Variants in DIP2C observed in about 807,000 individuals in gnomAD.
DIP2C encodes the protein disco-interacting protein 2 homolog C.
DIP2C carries 33 observed loss-of-function variants against 192.4 expected under a neutral mutation model. The ratio of observed to expected loss-of-function variants is 0.17; its 90% CI spans 0.13 to 0.23. DIP2C has a LOEUF of 0.23. Among genes scored for constraint, DIP2C ranks in the 10% least tolerant of loss-of-function variants. The pLI is 1.00. For synonymous variants in DIP2C, 979 were observed against 864.1 expected (o/e 1.13, Z -2.33); for missense variants, 1,537 against 2,110.1 (o/e 0.73, Z 5.32).
intron 1 of DIP2C, among the ~76,000 whole-genome samples, chr10:639,404 G>A (rs1305751945): frequency 9.7e-5 from 14 of 144,490 alleles, no homozygotes; most frequent in Non-Finnish European, 1.7e-4. Flanking sequence ...TCGGGAGAGT[G>A]CTGTCCGGCT....
chr10:590,735 TAAA>T (rs902079199), intron 1 of DIP2C, among the ~76,000 whole-genome samples: 1 of 152,160 alleles, frequency 6.6e-6, no homozygotes, highest in African/African-American at 2.4e-5. Flanking sequence ...GAAAGCAGAT[TAAA>T]AATAGAAGGA....
intron 1 of DIP2C, among the ~76,000 whole-genome samples, chr10:590,082 C>A (rs117201420): frequency 0.01 from 1,532 of 152,142 alleles, 12 homozygotes; most frequent in Non-Finnish European, 0.013. Flanking sequence ...AATGGACACT[C>A]TTCCTCTAAA....
chr10:467,433 A>G (rs1186447867), intron 3 of DIP2C, among the ~76,000 whole-genome samples: 3 of 151,130 alleles, frequency 2.0e-5, no homozygotes, highest in East Asian at 2.0e-4. Flanking sequence ...CTAATGCTAG[A>G]TGACGAGTTA....
intron 4 of DIP2C, chr10:437,991 G>A (rs1303361331): frequency 6.6e-6 from 1 of 152,206 alleles, no homozygotes; most frequent in Admixed American, 6.5e-5. Flanking sequence ...GCACAAAATA[G>A]CTGGGAGTAA....
intron 31 of DIP2C, among the ~76,000 whole-genome samples, chr10:313,977 T>C (rs1956667824): frequency 6.6e-6 from 1 of 152,162 alleles, no homozygotes; most frequent in Non-Finnish European, 1.5e-5. Context: ...TAAATAGAAA[T>C]GTGTGAAAGA....
chr10:367,372 GCGCCACTGCACTC>G (rs1960395431), intron 18 of DIP2C, among the ~76,000 whole-genome samples: 1 of 151,018 alleles, frequency 6.6e-6, no homozygotes, highest in Non-Finnish European at 1.5e-5. Flanking sequence ...AACCGAGATC[GCGCCACTGCACTC>G]CAGCCTGGGC....
rs1487799347 is a variant in DIP2C, at chr10:651,254, C to T, written c.85+38240G>A. 6 of 715,532 alleles carry T rather than the reference C, an allele frequency of 8.4e-6. No individual in the cohort carries two copies. The highest frequency in any genetic ancestry group is 1.5e-5 in the South Asian group (1 of 67,588). 44.3% of individuals were successfully genotyped at this position (715,532 alleles called of 1,614,324 possible). On this transcript the variant is annotated intron_variant, in intron 1 of 36. Coordinates refer to ENST00000280886, the MANE Select transcript of DIP2C (RefSeq NM_014974.3). This position sits in a 1 kb window ranked among gnomAD's most constrained non-coding sequence, Gnocchi z 4.1. ...AATGATGGCGTCACAGCGTGGGTTC[C>T]GGTCACCAGTCGGCCTCCCCCACCA...
At chr10:451,572 T>C (rs1271636498) in intron 3 of DIP2C, among the ~76,000 whole-genome samples, 1 of 152,250 alleles carries the variant, frequency 6.6e-6, no homozygotes, top group Non-Finnish European at 1.5e-5. Context: ...GTAATTAAAG[T>C]GCTTGTGTTA....
At chr10:413,186 C>T (rs1334343399) in intron 8 of DIP2C, among the ~76,000 whole-genome samples, 1 of 152,188 alleles carries the variant, frequency 6.6e-6, no homozygotes, top group Admixed American at 6.5e-5. Flanking sequence ...AATAGCCTGA[C>T]AATCTGCCCC....
At chr10:677,201 G>T (rs1830907365) in intron 1 of DIP2C, among the ~76,000 whole-genome samples, 1 of 152,180 alleles carries the variant, frequency 6.6e-6, no homozygotes, top group South Asian at 2.1e-4. Context: ...GAAAGCAAAT[G>T]AATCACCACA....
chr10:363,827 C>G lies in DIP2C; in HGVS notation c.2478-516G>C, dbSNP rs554395754. Among the ~76,000 whole-genome samples, 4 of 152,348 alleles carry G rather than the reference C, an allele frequency of 2.6e-5. No homozygotes were observed. Among genetic ancestry groups the G allele is most frequent in the African/African-American group, 7.2e-5 (3 of 41,590 alleles). On this transcript the variant is annotated intron_variant, in intron 20 of 36. Transcript: ENST00000280886. The surrounding 1 kb of genome is among the most constrained non-coding windows in gnomAD (Gnocchi z 5.4). ...AGGCAGCAACATCATATCCAGGTATCTACTTCCTGCTCCCATCAGCTTCCA... is the reference window on the plus strand; with the variant it reads ...AGGCAGCAACATCATATCCAGGTATGTACTTCCTGCTCCCATCAGCTTCCA...
At chr10:621,167 G>A (rs949477254) in intron 1 of DIP2C, among the ~76,000 whole-genome samples, 3 of 152,140 alleles carry the variant, frequency 2.0e-5, no homozygotes, top group Admixed American at 1.3e-4. Flanking sequence ...CCGACGCAAC[G>A]GGCCACGTAT....
intron 1 of DIP2C, among the ~76,000 whole-genome samples, chr10:685,638 T>A (rs916204767): frequency 2.0e-5 from 3 of 152,052 alleles, no homozygotes; most frequent in Non-Finnish European, 4.4e-5. Context: ...AACAGCTAAA[T>A]GCAATCTTTT....
chr10:365,736 C>T (rs115174334), intron 19 of DIP2C, among the ~76,000 whole-genome samples: 3,438 of 152,354 alleles, frequency 0.023, 120 homozygotes, highest in African/African-American at 0.078. Context: ...CATGCACGCA[C>T]ATTACACACG....
intron 1 of DIP2C, among the ~76,000 whole-genome samples, chr10:559,788 C>A (rs1007773929): frequency 2.6e-5 from 4 of 152,216 alleles, no homozygotes; most frequent in African/African-American, 9.6e-5. Context: ...AGCCCCATGG[C>A]CCCGGCCTGG....
intron 1 of DIP2C, among the ~76,000 whole-genome samples, chr10:655,185 C>T (rs1418281447): frequency 6.6e-6 from 1 of 152,200 alleles, no homozygotes; most frequent in Non-Finnish European, 1.5e-5. Context: ...TGTAAAAGCC[C>T]TTGTAGTCAA....
chr10:336,959 GT>G (rs1425798895), intron 29 of DIP2C, among the ~76,000 whole-genome samples: 6 of 69,536 alleles, frequency 8.6e-5, no homozygotes, highest in Non-Finnish European at 2.8e-4. Flanking sequence ...GTGTGTGTGT[GT>G]TGTGGAGGCC....
Position 481,021 on chromosome 10 carries a change from G to A in DIP2C, c.157+5438C>T, listed in dbSNP as rs181639646. On this transcript the variant is annotated intron_variant, in intron 2 of 36. Transcript: ENST00000280886. ...AGTGGAGGCAACCTGCCCGGGACAG[G>A]TCCCCGGGACCCTCCAGCCCAGGTG... 3.3e-3 allele frequency among the ~76,000 whole-genome samples: 510 copies of A among 152,280 alleles called. 1 individual carries two copies. Among genetic ancestry groups the A allele is most frequent in the African/African-American group, 0.012 (487 of 41,550 alleles).
At chr10:572,214 A>T (rs1220074716) in intron 1 of DIP2C, among the ~76,000 whole-genome samples, 9 of 152,250 alleles carry the variant, frequency 5.9e-5, no homozygotes. Context: ...ACACGTGTGC[A>T]GACAGCACCT....
Sources: allele counts gnomAD v4.1 joint callset (sites outside exome capture counted in the v4.1 genomes callset), GRCh38; gene constraint gnomAD v4.1.1; non-coding constraint Gnocchi (gnomAD v3.1); transcripts MANE v1.5; gene names NCBI Gene and HGNC (gene_info 2026-07-23, HGNC 2026-07-21).